PCDH9: variants seen among roughly 807,000 people sequenced by gnomAD.
The protein encoded by PCDH9 is protocadherin-9.
In PCDH9, 24 loss-of-function variants were observed where a neutral mutation model predicts 70.6. That is an observed-to-expected ratio of 0.34 (90% CI 0.25 to 0.48). PCDH9 has a LOEUF of 0.48. PCDH9 is among the 20% of genes least tolerant of loss of function. The pLI is 0.99. For missense variants in PCDH9, 1,281 were observed against 1,503.6 expected, an observed-to-expected ratio of 0.85 and a Z score of 2.45; for synonymous variants, 562 against 558.5, an observed-to-expected ratio of 1.01 and a Z score of -0.09.
intron 4 of PCDH9, among the ~76,000 whole-genome samples, chr13:66,552,934 A>T (rs370336438): frequency 4.0e-4 from 61 of 152,242 alleles, no homozygotes; most frequent in African/African-American, 1.4e-3. Flanking sequence ...CCTTCTTCAC[A>T]TGGTGGCGGG....
intron 4 of PCDH9, among the ~76,000 whole-genome samples, chr13:66,477,467 C>T (rs975572090): frequency 2.6e-5 from 4 of 152,046 alleles, no homozygotes; most frequent in Non-Finnish European, 5.9e-5. Context: ...TTGAGATGAA[C>T]TGTGGACAAG....
chr13:66,928,322 C>A (rs930539167), intron 2 of PCDH9, among the ~76,000 whole-genome samples: 10 of 152,090 alleles, frequency 6.6e-5, no homozygotes, highest in South Asian at 6.2e-4. Flanking sequence ...TAACTTCTAG[C>A]ATGTATTTAG....
At chr13:66,597,423 C>G (rs2077116748) in intron 4 of PCDH9, among the ~76,000 whole-genome samples, 1 of 151,702 alleles carries the variant, frequency 6.6e-6, no homozygotes, top group East Asian at 1.9e-4. Flanking sequence ...CAGAAATAAA[C>G]TCACGTATAT....
chr13:67,011,144 G>A (rs1222201010), intron 2 of PCDH9, among the ~76,000 whole-genome samples: 9 of 151,836 alleles, frequency 5.9e-5, no homozygotes, highest in African/African-American at 2.2e-4. Context: ...TAATCATGAT[G>A]TTATTTACAT....
chr13:66,598,582 T>G (rs1014556552), intron 4 of PCDH9, among the ~76,000 whole-genome samples: 2 of 151,842 alleles, frequency 1.3e-5, no homozygotes, highest in African/African-American at 4.8e-5. Flanking sequence ...GCAAAACTGC[T>G]AATCAGTGCC....
intron 2 of PCDH9, among the ~76,000 whole-genome samples, chr13:67,151,427 G>T (rs1203293463): frequency 6.6e-6 from 1 of 152,048 alleles, no homozygotes; most frequent in East Asian, 1.9e-4. Context: ...GGTTGTGGGT[G>T]TCTGTGTCTG....
At chr13:66,921,777 T>A (rs2082640476) in intron 2 of PCDH9, among the ~76,000 whole-genome samples, 1 of 151,250 alleles carries the variant, frequency 6.6e-6, no homozygotes, top group South Asian at 2.1e-4. Flanking sequence ...CTATTTTGAG[T>A]ACAGCGGGGC....
intron 4 of PCDH9, among the ~76,000 whole-genome samples, chr13:66,394,942 T>C (rs541546971): frequency 6.6e-6 from 1 of 152,026 alleles, no homozygotes; most frequent in South Asian, 2.1e-4. Context: ...AAGATGGGAG[T>C]ATATATATTT....
chr13:66,884,647 T>C (rs1158163527), intron 3 of PCDH9, among the ~76,000 whole-genome samples: 1 of 152,206 alleles, frequency 6.6e-6, no homozygotes, highest in Admixed American at 6.5e-5. Flanking sequence ...GGTCAGACCA[T>C]AAATGATTCT....
intron 2 of PCDH9, among the ~76,000 whole-genome samples, chr13:67,144,649 G>T (rs1161764703): frequency 6.6e-6 from 1 of 152,054 alleles, no homozygotes; most frequent in Non-Finnish European, 1.5e-5. Flanking sequence ...CACTACTAAA[G>T]AATGCTAATA....
At chr13:66,718,509 G>A (rs1053447984) in intron 3 of PCDH9, among the ~76,000 whole-genome samples, 1 of 152,078 alleles carries the variant, frequency 6.6e-6, no homozygotes, top group Non-Finnish European at 1.5e-5. Flanking sequence ...ATGTTTATGT[G>A]TATAACTATG....
chr13:66,594,123 A>T (rs1220072572), intron 4 of PCDH9, among the ~76,000 whole-genome samples: 1 of 151,838 alleles, frequency 6.6e-6, no homozygotes, highest in Non-Finnish European at 1.5e-5. Context: ...GCATTGGGAC[A>T]GAATATTTTT....
intron 3 of PCDH9, among the ~76,000 whole-genome samples, chr13:66,826,415 G>C (rs778866437): frequency 6.6e-6 from 1 of 152,076 alleles, no homozygotes; most frequent in Non-Finnish European, 1.5e-5. Context: ...AAAGAATGTA[G>C]GTTTTTGAGG....
At chr13:66,961,031 T>C (rs977065539) in intron 2 of PCDH9, among the ~76,000 whole-genome samples, 1 of 152,228 alleles carries the variant, frequency 6.6e-6, no homozygotes, top group Non-Finnish European at 1.5e-5. Flanking sequence ...TTCAAACCTT[T>C]GTCTATCTTC....
intron 4 of PCDH9, among the ~76,000 whole-genome samples, chr13:66,393,251 T>G (rs976483671): frequency 5.9e-5 from 9 of 152,192 alleles, no homozygotes; most frequent in African/African-American, 2.2e-4. Flanking sequence ...TGGTATTTCA[T>G]GTCTACAAGT....
chr13:66,985,442 T>C (rs1269567275), intron 2 of PCDH9: 1 of 152,148 alleles, frequency 6.6e-6, no homozygotes, highest in Non-Finnish European at 1.5e-5. Flanking sequence ...ATTCCTAGTA[T>C]AGTACATTGT....
chr13:66,833,806 G>A (rs982700216), intron 3 of PCDH9, among the ~76,000 whole-genome samples: 21 of 152,252 alleles, frequency 1.4e-4, no homozygotes, highest in African/African-American at 4.3e-4. Flanking sequence ...TGGAGAGGAC[G>A]AAGAAACCAG....
chr13:66,372,045 T>C (rs1319717911), intron 4 of PCDH9, among the ~76,000 whole-genome samples: 1 of 152,046 alleles, frequency 6.6e-6, no homozygotes, highest in Admixed American at 6.6e-5. Context: ...TCTTAATACT[T>C]ATGTTAATTT....
chr13:66,758,401 A>T lies in PCDH9; in HGVS notation c.3139-126990T>A, dbSNP rs553285874. Among the ~76,000 whole-genome samples, 4 of 152,108 alleles carry T rather than the reference A, an allele frequency of 2.6e-5. No homozygotes were observed. The South Asian group carries it at 8.3e-4, about 32-fold the overall frequency. ...AATCACCATTTTACTCTCTTTTTCTAGGAGATTAACATTTTTAAAAGTTTT... is the reference window on the plus strand; with the variant it reads ...AATCACCATTTTACTCTCTTTTTCTTGGAGATTAACATTTTTAAAAGTTTT... On this transcript the variant is annotated intron_variant, in intron 3 of 4. Transcript: ENST00000377865.
Sources: gnomAD v4.1 joint callset for allele counts (sites outside exome capture counted in the v4.1 genomes callset) on GRCh38, gnomAD v4.1.1 for gene constraint, MANE v1.5 for transcripts, NCBI Gene and HGNC (gene_info 2026-07-23, HGNC 2026-07-21) for gene names.